SPICE1: variants seen among roughly 807,000 people sequenced by gnomAD.
The protein encoded by SPICE1 is spindle and centriole-associated protein 1.
In SPICE1, 75 loss-of-function variants were observed where a neutral mutation model predicts 102.7. The observed-to-expected ratio is 0.73, with a 90% confidence interval of 0.61 to 0.88. The LOEUF is 0.88. Ranked by LOEUF, SPICE1 falls within the 40% of genes least tolerant of loss-of-function variation. The probability of loss-of-function intolerance (pLI) is 0.00; values close to 1 mark genes in which losing one functional copy is unlikely to be tolerated. For missense variants in SPICE1, 979 were observed against 1,020.1 expected, an observed-to-expected ratio of 0.96 and a Z score of 0.55; for synonymous variants, 308 against 350.3, an observed-to-expected ratio of 0.88 and a Z score of 1.35.
chr3:113,503,584 G>A lies in SPICE1; in HGVS notation c.100-357C>T, dbSNP rs542922714. Among the ~76,000 whole-genome samples the A allele has an allele frequency of 7.2e-5, 11 of 152,264 alleles. No individual in the cohort carries two copies. In the South Asian group the frequency reaches 2.1e-3, roughly 29 times the overall value. On this transcript the variant is annotated intron_variant, in intron 2 of 17. Coordinates refer to ENST00000295872, the MANE Select transcript of SPICE1 (RefSeq NM_144718.4). ...TAACTAAAGTTTTAGTTTTCACACT[G>A]TAGTCTATGGAATCCCAGGATTCCA... is the stretch of plus-strand genomic sequence containing the variant.
chr3:113,514,774 T>G, intron 1 of SPICE1, 123 bp downstream of exon 1: 1 of 1,287,498 alleles, frequency 7.8e-7, no homozygotes. Context: ...CCCCCAACGC[T>G]ACAATCGAGC....
chr3:113,460,358 A>G, intron 12 of SPICE1: 1 of 902,298 alleles, frequency 1.1e-6, no homozygotes, highest in Non-Finnish European at 1.3e-6. Flanking sequence ...GATAACACCA[A>G]TGGGGATAAC....
intron 7 of SPICE1, among the ~76,000 whole-genome samples, chr3:113,473,740 A>C (rs1413013566): frequency 6.6e-6 from 1 of 151,714 alleles, no homozygotes; most frequent in South Asian, 2.1e-4. Context: ...AAATGCTGAG[A>C]GATTTTGTCA....
Position 113,453,685 on chromosome 3 carries a change from G to A in SPICE1, c.1923C>T (p.Pro641=). Residue 641 remains proline, a synonymous_variant, in exon 14 of 18, where the codon CCC becomes CCT. Coordinates refer to ENST00000295872, the MANE Select transcript of SPICE1 (RefSeq NM_144718.4). ...GTACTGGGAGCTCTTCTGAGAATGTGGGGCTTCTTGACTGTTGAGTGTTGG... is the reference window on the plus strand; with the variant it reads ...GTACTGGGAGCTCTTCTGAGAATGTAGGGCTTCTTGACTGTTGAGTGTTGG... ...SHSNTQQSRS[P]TFSEELPVLG... The A allele has an allele frequency of 1.9e-6, 3 of 1,614,122 alleles. No individual in the cohort carries two copies. Among genetic ancestry groups the A allele is most frequent in the Non-Finnish European group, 2.5e-6 (3 of 1,180,028 alleles).
intron 11 of SPICE1, among the ~76,000 whole-genome samples, chr3:113,464,447 G>A (rs572213581): frequency 4.7e-4 from 72 of 151,868 alleles, no homozygotes; most frequent in African/African-American, 1.7e-3. Context: ...TGTAGAGACA[G>A]GTCTCACTCT....
intron 1 of SPICE1, among the ~76,000 whole-genome samples, chr3:113,509,195 A>G (rs1350870361): frequency 6.6e-6 from 1 of 152,142 alleles, no homozygotes; most frequent in Non-Finnish European, 1.5e-5. Context: ...TTGACTAAAA[A>G]CCTCTGAACT....
At chr3:113,494,406 G>A (rs1193974017) in intron 4 of SPICE1, among the ~76,000 whole-genome samples, 4 of 152,160 alleles carry the variant, frequency 2.6e-5, no homozygotes, top group African/African-American at 9.7e-5. Flanking sequence ...CCAGCACTTT[G>A]GGAGGCCGAG....
chr3:113,446,737 T>C, intron 16 of SPICE1, 61 bp from the exon 17 acceptor site: 2 of 1,326,426 alleles, frequency 1.5e-6, no homozygotes, highest in Non-Finnish European at 2.1e-6. Flanking sequence ...CTTAAAAGAT[T>C]ATGCAAACAA....
intron 7 of SPICE1, among the ~76,000 whole-genome samples, chr3:113,471,449 G>A (rs1936196524): frequency 6.6e-6 from 1 of 152,172 alleles, no homozygotes; most frequent in Non-Finnish European, 1.5e-5. Flanking sequence ...AAGAAGCAAG[G>A]AGCAAATTCT....
rs780223693 is a variant in SPICE1 at position 113,494,045 on chromosome 3, A to T, written c.385+4T>A. On this transcript the variant is annotated splice_donor_region_variant and intron_variant, in intron 5 of 17. Coordinates refer to ENST00000295872, the MANE Select transcript of SPICE1 (RefSeq NM_144718.4). ...ATAGAGAAGCTTTTGTTTGAATTGA[A>T]TACCTGTGCGCCTACGAGGAAACAG... is the stretch of plus-strand genomic sequence containing the variant. 2 of 1,594,414 alleles carry T rather than the reference A, an allele frequency of 1.3e-6. No individual in the cohort carries two copies. The highest frequency in any genetic ancestry group is 1.3e-5 in the African/African-American group (1 of 74,102).
chr3:113,453,658 C>T lies in SPICE1; in HGVS notation c.1950G>A (p.Leu650=). ...TTGTTCTCAGCTGCTGCCCATCTCC[C>T]AGTACTGGGAGCTCTTCTGAGAATG... The part of the protein sequence containing the change: ...SPTFSEELPV[L]GDGQQLRTNE... The change falls in exon 14 of 18, where the codon CTG becomes CTA. Residue 650 remains leucine (L), a synonymous_variant. Coordinates refer to ENST00000295872, the MANE Select transcript of SPICE1 (RefSeq NM_144718.4). The T allele has an allele frequency of 1.2e-6, 2 of 1,614,132 alleles. No individual in the cohort carries two copies. The highest frequency in any genetic ancestry group is 1.7e-6 in the Non-Finnish European group (2 of 1,180,034).
chr3:113,468,092 A>T, intron 10 of SPICE1, 47 bp downstream of exon 10: 1 of 1,564,194 alleles, frequency 6.4e-7, no homozygotes, highest in South Asian at 1.2e-5. Context: ...AAAAAAACTC[A>T]TGCATTTCTG....
At chr3:113,488,851 C>T (rs1936701817) in intron 7 of SPICE1, 94 bp downstream of exon 7, 2 of 694,190 alleles carry the variant, frequency 2.9e-6, no homozygotes, top group Non-Finnish European at 4.9e-6. Context: ...TAAAAATAAA[C>T]TCCCATTTAA....
At chr3:113,494,625 C>T (rs1008954018) in intron 4 of SPICE1, among the ~76,000 whole-genome samples, 11 of 146,184 alleles carry the variant, frequency 7.5e-5, no homozygotes, top group African/African-American at 2.5e-4. Context: ...CCAGCCTGGG[C>T]GACAGAGCGA....
chr3:113,448,107 G>C lies in SPICE1; in HGVS notation c.2357C>G (p.Pro786Arg), dbSNP rs1935560344. The change falls in exon 16 of 18, where the codon CCA (proline) becomes CGA (arginine). Residue 786 changes from proline (P) to arginine (R), a missense_variant. Physicochemically the swap from Pro to Arg is moderately radical, Grantham distance 103. Transcript: ENST00000295872. ...TGAGCTTTCTGGGGCTTCTGCTCCT[G>C]GAATAGATACCTCAATTGTCCTCTT... ...GAKRTIEVSI[P>R]GAEAPESSKC... is the part of the protein sequence containing the mutation. The C allele has an allele frequency of 6.8e-6, 11 of 1,610,006 alleles. No homozygotes were observed. Among genetic ancestry groups the C allele is most frequent in the Non-Finnish European group, 9.3e-6 (11 of 1,178,046 alleles).
chr3:113,482,157 T>C (rs1054634010), intron 7 of SPICE1, among the ~76,000 whole-genome samples: 1 of 152,244 alleles, frequency 6.6e-6, no homozygotes, highest in Non-Finnish European at 1.5e-5. Context: ...CATTCTCTGA[T>C]GACCAGTGAT....
At chr3:113,480,153 C>T (rs1313538311) in intron 7 of SPICE1, among the ~76,000 whole-genome samples, 1 of 151,370 alleles carries the variant, frequency 6.6e-6, no homozygotes, top group Admixed American at 6.6e-5. Flanking sequence ...GAAAATATAA[C>T]TTATAAAAAT....
At chr3:113,454,861 A>G (rs1935745253) in intron 13 of SPICE1, among the ~76,000 whole-genome samples, 1 of 152,198 alleles carries the variant, frequency 6.6e-6, no homozygotes, top group African/African-American at 2.4e-5. Context: ...TGATAACAAG[A>G]ACTGTTCAAG....
At chr3:113,476,694 C>T (rs1437182983) in intron 7 of SPICE1, among the ~76,000 whole-genome samples, 1 of 150,956 alleles carries the variant, frequency 6.6e-6, no homozygotes, top group East Asian at 1.9e-4. Flanking sequence ...AAAGGATTCC[C>T]TATTTAATAA....
Sources: allele counts gnomAD v4.1 joint callset (sites outside exome capture counted in the v4.1 genomes callset), GRCh38; gene constraint gnomAD v4.1.1; transcripts MANE v1.5; gene names NCBI Gene and HGNC (gene_info 2026-07-23, HGNC 2026-07-21).